The following SAMD4A variants were observed in gnomAD, a reference collection of about 807,000 sequenced individuals.
SAMD4A encodes the protein sterile alpha motif domain containing 4A.
SAMD4A carries 33 observed loss-of-function variants against 81.3 expected under a neutral mutation model. The observed-to-expected ratio is 0.41, with a 90% confidence interval of 0.31 to 0.54. SAMD4A has a LOEUF of 0.54. Among genes scored for constraint, SAMD4A ranks in the 20% least tolerant of loss-of-function variants. SAMD4A has a pLI of 0.37. For missense variants in SAMD4A, 854 were observed against 951.1 expected, an observed-to-expected ratio of 0.90 and a Z score of 1.34; for synonymous variants, 389 against 382.1, an observed-to-expected ratio of 1.02 and a Z score of -0.21.
At position 54,724,008 on chromosome 14, in the gene SAMD4A, G is replaced by GGATGGAAGGAAGGAA. The variant is rs1555347523; in HGVS notation, c.716-13014_716-13013insTGGAAGGAAGGAAGA. On this transcript the variant is annotated intron_variant, in intron 3 of 12. Transcript: ENST00000554335. ...GCAAATATTGGATGGATGGATGGAT[G>GGATGGAAGGAAGGAA]GAAGGAAGGAAGGAAGGAAGGAAGG... 7.4e-4 allele frequency among the ~76,000 whole-genome samples: 29 copies of GGATGGAAGGAAGGAA among 39,110 alleles called. No homozygotes were observed. The East Asian group carries it at 0.022, about 30-fold the overall frequency. The allele number at this position is 39,110 out of a possible 152,430, so 25.7% of individuals were successfully genotyped here. A position where few individuals can be genotyped will look rare whatever the true frequency, so the allele number is the denominator to read the frequency against.
At chr14:54,788,331 T>C (rs1337283534) in intron 12 of SAMD4A, among the ~76,000 whole-genome samples, 2 of 152,154 alleles carry the variant, frequency 1.3e-5, no homozygotes, top group Non-Finnish European at 2.9e-5. Flanking sequence ...TCCACCTGCG[T>C]GTCCGTTGCA....
intron 2 of SAMD4A, chr14:54,701,103 A>T (rs2036705899): frequency 6.6e-6 from 1 of 151,824 alleles, no homozygotes; most frequent in African/African-American, 2.4e-5. Flanking sequence ...AGCTCAAGCA[A>T]TCCTCCCACC....
At chr14:54,758,009 G>T (rs2038291072) in intron 6 of SAMD4A, among the ~76,000 whole-genome samples, 1 of 152,178 alleles carries the variant, frequency 6.6e-6, no homozygotes, top group Non-Finnish European at 1.5e-5. Flanking sequence ...GGTCTACCGT[G>T]GGCAGCAGGG....
At chr14:54,699,566 G>T (rs1009620460) in intron 2 of SAMD4A, among the ~76,000 whole-genome samples, 1 of 152,082 alleles carries the variant, frequency 6.6e-6, no homozygotes, top group African/African-American at 2.4e-5. Flanking sequence ...ACTTTTAAAA[G>T]ATTTTTAAGA....
intron 3 of SAMD4A, among the ~76,000 whole-genome samples, chr14:54,714,167 A>G (rs1375180819): frequency 6.6e-6 from 1 of 152,172 alleles, no homozygotes; most frequent in Admixed American, 6.6e-5. Flanking sequence ...AGGTTGCTCT[A>G]TGTCTTTCCT....
intron 2 of SAMD4A, chr14:54,687,413 A>C (rs2036302466): frequency 2.2e-6 from 1 of 452,966 alleles, no homozygotes; most frequent in East Asian, 6.9e-5. Context: ...CTTGGTGTCC[A>C]CAGCCCTGAT....
intron 7 of SAMD4A, among the ~76,000 whole-genome samples, chr14:54,764,045 G>A (rs371463575): frequency 1.4e-4 from 21 of 152,320 alleles, no homozygotes; most frequent in Admixed American, 3.9e-4. Flanking sequence ...TGCACCTGGC[G>A]AGGGGTGTGC....
At chr14:54,599,434 C>T (rs114245476) in intron 2 of SAMD4A, among the ~76,000 whole-genome samples, 1,957 of 152,188 alleles carry the variant, frequency 0.013, 36 homozygotes, top group African/African-American at 0.045. Context: ...GTAGGATACC[C>T]GAGGTCCACA....
chr14:54,688,967 T>C (rs2036358176), intron 2 of SAMD4A, among the ~76,000 whole-genome samples: 1 of 146,230 alleles, frequency 6.8e-6, no homozygotes, highest in African/African-American at 2.6e-5. Flanking sequence ...GTTTTGCTCC[T>C]GTTTTCCAGG....
At chr14:54,578,685 C>G (rs955056475) in intron 2 of SAMD4A, among the ~76,000 whole-genome samples, 3 of 151,880 alleles carry the variant, frequency 2.0e-5, no homozygotes, top group African/African-American at 7.3e-5. Flanking sequence ...GCACTCCAGC[C>G]TGGGTGACAG....
intron 11 of SAMD4A, 107 bp from the exon 12 acceptor site, chr14:54,784,430 C>T (rs755997510): frequency 1.9e-5 from 31 of 1,611,110 alleles, no homozygotes; most frequent in African/African-American, 9.4e-5. Flanking sequence ...CTGACAGTCC[C>T]CAAGTCCTCC....
At chr14:54,641,086 GA>G (rs2035163386) in intron 2 of SAMD4A, among the ~76,000 whole-genome samples, 2 of 152,258 alleles carry the variant, frequency 1.3e-5, no homozygotes, top group Admixed American at 6.5e-5. Flanking sequence ...GCAGTCTGTT[GA>G]AAACTGTGCA....
intron 2 of SAMD4A, among the ~76,000 whole-genome samples, chr14:54,635,426 AAAT>A (rs958039741): frequency 6.6e-6 from 1 of 151,502 alleles, no homozygotes. Context: ...ACTCCATCTC[AAAT>A]AATAATAATA....
chr14:54,640,377 G>A (rs1280645007), intron 2 of SAMD4A, among the ~76,000 whole-genome samples: 1 of 152,182 alleles, frequency 6.6e-6, no homozygotes, highest in East Asian at 1.9e-4. Flanking sequence ...TATTGACACA[G>A]AATCAATTAT....
intron 11 of SAMD4A, among the ~76,000 whole-genome samples, chr14:54,780,073 G>A (rs1476619237): frequency 1.3e-5 from 2 of 152,166 alleles, no homozygotes; most frequent in Non-Finnish European, 2.9e-5. Flanking sequence ...CTCAACAGTA[G>A]GAGATCATGG....
intron 6 of SAMD4A, among the ~76,000 whole-genome samples, chr14:54,755,755 G>A (rs748765966): frequency 3.9e-5 from 6 of 152,162 alleles, no homozygotes; most frequent in Non-Finnish European, 8.8e-5. Context: ...CAAGATACGT[G>A]GTGGAAAAGG....
At chr14:54,612,647 T>G (rs1288229597) in intron 2 of SAMD4A, among the ~76,000 whole-genome samples, 2 of 152,186 alleles carry the variant, frequency 1.3e-5, no homozygotes, top group African/African-American at 2.4e-5. Context: ...AAGAAAAATT[T>G]GTACAAGAAG....
chr14:54,696,841 C>T (rs751255236), intron 2 of SAMD4A: 5 of 152,158 alleles, frequency 3.3e-5, no homozygotes, highest in Admixed American at 6.5e-5. Flanking sequence ...GCTCCTTATA[C>T]AGAGAAATAA....
chr14:54,642,596 C>G (rs1325316115), intron 2 of SAMD4A, among the ~76,000 whole-genome samples: 1 of 152,118 alleles, frequency 6.6e-6, no homozygotes, highest in African/African-American at 2.4e-5. Context: ...CATTCATGTA[C>G]TGATTTGTGG....
Sources: gnomAD v4.1 joint callset for allele counts (sites outside exome capture counted in the v4.1 genomes callset) on GRCh38, gnomAD v4.1.1 for gene constraint, MANE v1.5 for transcripts, NCBI Gene and HGNC (gene_info 2026-07-23, HGNC 2026-07-21) for gene names.